The following UBE2F variants were observed in gnomAD, a reference collection of about 807,000 sequenced individuals.
UBE2F encodes the protein ubiquitin conjugating enzyme E2 F (putative).
A neutral mutation model predicts 29.6 loss-of-function variants in UBE2F; 5 were observed. The observed-to-expected ratio is 0.17, with a 90% CI of 0.09 to 0.36. The LOEUF (loss-of-function observed/expected upper bound fraction) is 0.36, where lower values mean the gene tolerates loss of function less well. UBE2F is among the 10% of genes least tolerant of loss of function. The pLI is 1.00. For missense variants in UBE2F, 141 were observed against 228.5 expected, an observed-to-expected ratio of 0.62 and a Z score of 2.47; for synonymous variants, 66 against 81.8, an observed-to-expected ratio of 0.81 and a Z score of 1.04.
intron 3 of UBE2F, among the ~76,000 whole-genome samples, chr2:237,989,990 C>T (rs2063549908): frequency 6.6e-6 from 1 of 151,366 alleles, no homozygotes; most frequent in Non-Finnish European, 1.5e-5. Flanking sequence ...TAGTGGTATG[C>T]ACCTGTAATC....
intron 2 of UBE2F, among the ~76,000 whole-genome samples, chr2:237,983,567 C>T (rs1161949095): frequency 6.6e-6 from 1 of 152,158 alleles, no homozygotes; most frequent in African/African-American, 2.4e-5. Flanking sequence ...CCTCAGCTAG[C>T]CTTTTCATTC....
intron 4 of UBE2F, among the ~76,000 whole-genome samples, chr2:238,015,387 G>T (rs897352415): frequency 2.6e-5 from 4 of 152,140 alleles, no homozygotes; most frequent in Non-Finnish European, 5.9e-5. Flanking sequence ...TGATCATTCA[G>T]TTCTTAAAAG....
At chr2:237,985,113 C>T (rs2063455053) in intron 2 of UBE2F, among the ~76,000 whole-genome samples, 1 of 152,086 alleles carries the variant, frequency 6.6e-6, no homozygotes, top group African/African-American at 2.4e-5. Context: ...GGATTACAGG[C>T]ATTAGCCACA....
At chr2:238,015,944 A>T (rs1293735706) in intron 4 of UBE2F, among the ~76,000 whole-genome samples, 1 of 152,108 alleles carries the variant, frequency 6.6e-6, no homozygotes, top group Non-Finnish European at 1.5e-5. Context: ...GGTACACAGC[A>T]TGTGGATGGC....
intron 6 of UBE2F, among the ~76,000 whole-genome samples, chr2:238,028,001 T>C (rs887390159): frequency 3.3e-5 from 5 of 152,244 alleles, no homozygotes; most frequent in Non-Finnish European, 7.3e-5. Flanking sequence ...CAGTCAAAGC[T>C]TCTCCTAGAG....
At chr2:237,975,138 T>C (rs186715263) in intron 2 of UBE2F, among the ~76,000 whole-genome samples, 322 of 151,694 alleles carry the variant, frequency 2.1e-3, no homozygotes, top group African/African-American at 6.5e-3. Flanking sequence ...ACTCTTACTC[T>C]ATCACCAGCC....
Position 238,042,018 on chromosome 2 carries a change from A to G in UBE2F, c.*680A>G, listed in dbSNP as rs1014763870. On this transcript the variant is annotated 3_prime_UTR_variant, in exon 10 of 10. Coordinates refer to ENST00000272930, the MANE Select transcript of UBE2F (RefSeq NM_080678.3). ...AGACAGAAAGATGTTGGGTCAAGCA[A>G]CTATTGAAGAGAAATACAAAGAAAA... The G allele has an allele frequency of 7.9e-5, 12 of 152,810 alleles. No individual in the cohort carries two copies. Among genetic ancestry groups the G allele is most frequent in the African/African-American group, 2.6e-4 (11 of 41,594 alleles). The allele number at this position is 152,810 out of a possible 1,614,324, so 9.5% of individuals were successfully genotyped here.
rs1056952370 is a variant in UBE2F, at chr2:238,040,137, C to T, written c.508-1151C>T. Among the ~76,000 whole-genome samples the T allele has an allele frequency of 5.9e-5, 9 of 152,166 alleles. No homozygotes were observed. Among genetic ancestry groups the T allele is most frequent in the South Asian group, 2.1e-4 (1 of 4,830 alleles). ...CTGAGACCAGAGCAAGTCATGGGAC[C>T]GTATCCATAGCTTCAAATTGGGAAC... On this transcript the variant is annotated intron_variant, in intron 9 of 9. Coordinates refer to ENST00000272930, the MANE Select transcript of UBE2F (RefSeq NM_080678.3). The surrounding 1 kb of genome is among the most constrained non-coding windows in gnomAD (Gnocchi z 4.4).
At chr2:238,024,410 AT>A (rs1332691499) in intron 5 of UBE2F, among the ~76,000 whole-genome samples, 17 of 152,260 alleles carry the variant, frequency 1.1e-4, no homozygotes, top group African/African-American at 4.1e-4. Context: ...CAATGGTGCG[AT>A]CATAGCTCAC....
At chr2:238,016,049 A>G (rs1345431587) in intron 4 of UBE2F, among the ~76,000 whole-genome samples, 2 of 152,164 alleles carry the variant, frequency 1.3e-5, no homozygotes, top group African/African-American at 4.8e-5. Flanking sequence ...GCATCAAGCA[A>G]TCACTGAGGC....
intron 2 of UBE2F, among the ~76,000 whole-genome samples, chr2:237,984,786 T>A (rs1165074017): frequency 1.3e-5 from 2 of 152,168 alleles, no homozygotes; most frequent in African/African-American, 4.8e-5. Context: ...TTTTGTTTTG[T>A]TTTGTTTTTT....
intron 5 of UBE2F, among the ~76,000 whole-genome samples, chr2:238,020,846 A>G (rs1336319506): frequency 1.3e-5 from 2 of 152,222 alleles, no homozygotes; most frequent in Non-Finnish European, 2.9e-5. Context: ...TGGAGGGCCA[A>G]GGATGGGAAC....
intron 5 of UBE2F, among the ~76,000 whole-genome samples, chr2:238,023,078 G>T (rs149156791): frequency 6.6e-6 from 1 of 152,298 alleles, no homozygotes; most frequent in Non-Finnish European, 1.5e-5. Flanking sequence ...GAGGGCCTCC[G>T]CAGAAGGGGT....
In UBE2F at chr2:238,032,692, G is replaced by A. The variant is rs149031271; in HGVS notation, c.444+438G>A. 1.8e-3 allele frequency: 281 copies of A among 156,768 alleles called. 2 individuals carry two copies. The highest frequency in any genetic ancestry group is 6.3e-3 in the African/African-American group (262 of 41,666). 9.7% of individuals were successfully genotyped at this position (156,768 alleles called of 1,614,324 possible). A position where few individuals can be genotyped will look rare whatever the true frequency, so the allele number is the denominator to read the frequency against. ...CACACCTGTAATCCTAGCACGTTGG[G>A]AGACTGAGGCAGGTGGATCACTTGA... On this transcript the variant is annotated intron_variant, in intron 8 of 9. Coordinates refer to ENST00000272930, the MANE Select transcript of UBE2F (RefSeq NM_080678.3).
intron 3 of UBE2F, among the ~76,000 whole-genome samples, chr2:237,989,707 T>C (rs972573323): frequency 2.0e-5 from 3 of 152,210 alleles, no homozygotes; most frequent in African/African-American, 4.8e-5. Context: ...AGTTGTGATA[T>C]AAAATATGTT....
At chr2:237,980,834 G>T (rs1249061609) in intron 2 of UBE2F, among the ~76,000 whole-genome samples, 1 of 152,226 alleles carries the variant, frequency 6.6e-6, no homozygotes, top group Non-Finnish European at 1.5e-5. Flanking sequence ...CACAGGGTAT[G>T]CAGGGTCAGG....
chr2:238,041,624 A>T lies in UBE2F; in HGVS notation c.*286A>T, dbSNP rs1042025429. The T allele has an allele frequency of 3.6e-6, 1 of 277,020 alleles. No homozygotes were observed. Among genetic ancestry groups the T allele is most frequent in the African/African-American group, 2.2e-5 (1 of 45,572 alleles). The allele number at this position is 277,020 out of a possible 1,614,324, so 17.2% of individuals were successfully genotyped here. On this transcript the variant is annotated 3_prime_UTR_variant, in exon 10 of 10. Coordinates refer to ENST00000272930, the MANE Select transcript of UBE2F (RefSeq NM_080678.3). ...CTTGTACTGTATAGGCTGTTGGTGAAATTCTTAAGAAGTTGTAATGAACTC... is the reference window on the plus strand; with the variant it reads ...CTTGTACTGTATAGGCTGTTGGTGATATTCTTAAGAAGTTGTAATGAACTC...
In UBE2F at chr2:238,020,417, C is replaced by T. The variant is rs531890991; in HGVS notation, c.282+3784C>T. Among the ~76,000 whole-genome samples the T allele has an allele frequency of 5.3e-5, 8 of 152,262 alleles. No homozygotes were observed. In the South Asian group the frequency reaches 1.0e-3, roughly 20 times the overall value. On this transcript the variant is annotated intron_variant, in intron 5 of 9. Coordinates refer to ENST00000272930, the MANE Select transcript of UBE2F (RefSeq NM_080678.3). ...AGGGCACCAGGTGGGTCAGTGAGAA[C>T]GGATACAGCAGCCAGTGCGGAGCCT...
chr2:238,035,995 C>T (rs2064699458), intron 9 of UBE2F, 55 bp downstream of exon 9: 1 of 1,448,350 alleles, frequency 6.9e-7, no homozygotes, highest in Non-Finnish European at 9.7e-7. Flanking sequence ...AACACGATTA[C>T]TACTGTCTCT....
Sources: gnomAD v4.1 joint callset for allele counts (sites outside exome capture counted in the v4.1 genomes callset) on GRCh38, gnomAD v4.1.1 for gene constraint, Gnocchi (gnomAD v3.1) non-coding constraint, MANE v1.5 for transcripts, NCBI Gene and HGNC (gene_info 2026-07-23, HGNC 2026-07-21) for gene names.